CDCP1: variants seen among roughly 807,000 people sequenced by gnomAD.
CDCP1 encodes CUB domain-containing protein 1.
CDCP1 carries 29 observed loss-of-function variants against 60.2 expected under a neutral mutation model. The ratio of observed to expected loss-of-function variants is 0.48; its 90% CI spans 0.36 to 0.66. The LOEUF is 0.66. CDCP1 is among the 30% of genes least tolerant of loss of function. CDCP1 has a pLI of 0.00. For synonymous variants in CDCP1, 387 were observed against 431.1 expected, an observed-to-expected ratio of 0.90 and a Z score of 1.27; for missense variants, 876 against 1,074.3, an observed-to-expected ratio of 0.82 and a Z score of 2.58.
chr3:45,095,024 C>A (rs1698372893), intron 5 of CDCP1, among the ~76,000 whole-genome samples: 1 of 151,826 alleles, frequency 6.6e-6, no homozygotes, highest in South Asian at 2.1e-4. Flanking sequence ...ACCTCCGCCT[C>A]CCAGGTTCAG....
In CDCP1 at chr3:45,093,526, C is replaced by T. The variant is rs1698339676; in HGVS notation, c.1378G>A (p.Val460Met). The T allele has an allele frequency of 3.1e-6, 5 of 1,614,160 alleles. No homozygotes were observed. The highest frequency in any genetic ancestry group is 1.3e-5 in the African/African-American group (1 of 75,074). ...LLVPKDRLSL[V>M]LVPAQKLQQH... is the part of the protein sequence containing the mutation. ...TGCAGCTTCTGGGCTGGCACCAGCA[C>T]CAGGCTGAGCCTGTCCTTGGGCACC... The change falls in exon 6 of 9, where the codon GTG becomes ATG. Residue 460 changes from valine (V) to methionine (M), a missense_variant. Physicochemically the swap from Val to Met is conservative, Grantham distance 21 (BLOSUM62 1). Around this residue, in one of 2 missense-constraint regions of CDCP1, gnomAD observed 726 missense variants for 935.7 expected, o/e 0.78. Coordinates refer to ENST00000296129, the MANE Select transcript of CDCP1 (RefSeq NM_022842.5).
upstream of CDCP1, chr3:45,146,445 A>T (rs1699394637): frequency 1.8e-6 from 1 of 541,340 alleles, no homozygotes. Context: ...TCGCGAGCTG[A>T]CCCGGTGCGT....
intron 4 of CDCP1, among the ~76,000 whole-genome samples, chr3:45,102,200 T>C (rs1025571537): frequency 3.3e-5 from 5 of 151,876 alleles, no homozygotes; most frequent in African/African-American, 1.2e-4. Context: ...GCCTCCTGAG[T>C]AGCTGGGATT....
At chr3:45,126,081 G>A (rs1287189110) in intron 1 of CDCP1, among the ~76,000 whole-genome samples, 5 of 146,532 alleles carry the variant, frequency 3.4e-5, no homozygotes, top group African/African-American at 1.2e-4. Flanking sequence ...CAGAAGAGGA[G>A]CAACTGCTGC....
intron 1 of CDCP1, among the ~76,000 whole-genome samples, chr3:45,123,130 T>C (rs1698915843): frequency 6.6e-6 from 1 of 152,218 alleles, no homozygotes; most frequent in East Asian, 1.9e-4. Flanking sequence ...TTACTAATGC[T>C]ACTTCTGTTG....
At chr3:45,122,562 C>T (rs1408690986) in intron 1 of CDCP1, among the ~76,000 whole-genome samples, 1 of 152,056 alleles carries the variant, frequency 6.6e-6, no homozygotes, top group Admixed American at 6.5e-5. Flanking sequence ...TCAAGTGATT[C>T]TCGTGCCTCA....
chr3:45,124,720 A>G (rs1034542809), intron 1 of CDCP1, among the ~76,000 whole-genome samples: 5 of 152,176 alleles, frequency 3.3e-5, no homozygotes, highest in Admixed American at 6.5e-5. Flanking sequence ...TGAGCATCAG[A>G]TAAGTCGTGA....
chr3:45,110,953 C>G, intron 3 of CDCP1, 112 bp from the exon 4 acceptor site: 1 of 1,201,046 alleles, frequency 8.3e-7, no homozygotes, highest in East Asian at 2.3e-5. Context: ...TTCTCAGATC[C>G]TGAGCAGTGG....
intron 4 of CDCP1, among the ~76,000 whole-genome samples, chr3:45,097,665 C>T (rs6800353): frequency 0.03 from 4,641 of 152,286 alleles, 247 homozygotes; most frequent in African/African-American, 0.11. Flanking sequence ...GCCTGCTAAA[C>T]TTCCTTCTTC....
At chr3:45,137,247 C>T (rs1251672731) in intron 1 of CDCP1, among the ~76,000 whole-genome samples, 1 of 152,182 alleles carries the variant, frequency 6.6e-6, no homozygotes. Flanking sequence ...GCCATATGTA[C>T]TGTTCTGATC....
At chr3:45,138,430 C>T (rs1699226108) in intron 1 of CDCP1, among the ~76,000 whole-genome samples, 1 of 152,238 alleles carries the variant, frequency 6.6e-6, no homozygotes, top group African/African-American at 2.4e-5. Flanking sequence ...AATTTTGGCC[C>T]AGGTTGTCTG....
At chr3:45,095,592 G>A (rs1404773377) in intron 4 of CDCP1, 24 bp from the exon 5 acceptor site, 2 of 1,604,818 alleles carry the variant, frequency 1.2e-6, no homozygotes, top group East Asian at 4.5e-5. Flanking sequence ...CAGAAAACAG[G>A]CATGAAGCAT....
rs777482228 is a variant in CDCP1, at chr3:45,091,508, G to A, written c.1658C>T (p.Thr553Ile). 6.2e-7 allele frequency: 1 copy of A among 1,606,358 alleles called. No individual in the cohort carries two copies. The highest frequency in any genetic ancestry group is 1.1e-5 in the South Asian group (1 of 90,114). ...EEGVFTVTPD[T>I]KSKVYLRTPN... ...GGTCCTCAGGTAGACCTTGCTTTTT[G>A]TGTCAGGGGTCACCGTGAAAACGCC... The change falls in exon 7 of 9, where the codon ACA becomes ATA. Residue 553 changes from threonine to isoleucine, a missense_variant. Thr to Ile is a moderately conservative substitution (Grantham distance 89). Around this residue, in one of 2 missense-constraint regions of CDCP1, gnomAD observed 726 missense variants for 935.7 expected, o/e 0.78. Transcript: ENST00000296129. This position sits in a 1 kb window ranked among gnomAD's most constrained non-coding sequence, Gnocchi z 4.8.
chr3:45,126,894 T>C (rs1322908645), intron 1 of CDCP1, among the ~76,000 whole-genome samples: 1 of 152,198 alleles, frequency 6.6e-6, no homozygotes, highest in Non-Finnish European at 1.5e-5. Context: ...GGTTAAGTAA[T>C]GTACCCAGGC....
chr3:45,106,162 T>C (rs1698561671), intron 4 of CDCP1, among the ~76,000 whole-genome samples: 1 of 152,248 alleles, frequency 6.6e-6, no homozygotes, highest in Non-Finnish European at 1.5e-5. Flanking sequence ...TAGATATTTT[T>C]ATCTTGTTTT....
intron 8 of CDCP1, among the ~76,000 whole-genome samples, chr3:45,086,605 T>C (rs6441886): frequency 0.88 from 133,991 of 152,272 alleles, 61,179 homozygotes; most frequent in South Asian, 1. Context: ...TAGTTTTCAG[T>C]ATGAGCTGGG....
chr3:45,102,650 A>G (rs1171619375), intron 4 of CDCP1, among the ~76,000 whole-genome samples: 1 of 150,800 alleles, frequency 6.6e-6, no homozygotes, highest in Non-Finnish European at 1.5e-5. Flanking sequence ...ACTAAAAAAA[A>G]AAAAAAAAGA....
At chr3:45,086,360 T>C (rs768223865) in intron 8 of CDCP1, among the ~76,000 whole-genome samples, 1 of 152,240 alleles carries the variant, frequency 6.6e-6, no homozygotes, top group Middle Eastern at 3.2e-3. Context: ...TTGATAGATA[T>C]GCGGTATCCA....
At chr3:45,117,220 T>C (rs1374222394) in intron 2 of CDCP1, among the ~76,000 whole-genome samples, 1 of 152,184 alleles carries the variant, frequency 6.6e-6, no homozygotes, top group African/African-American at 2.4e-5. Flanking sequence ...CCCCTTAAAA[T>C]GATTGAGAAA....
Sources: allele counts gnomAD v4.1 joint callset (sites outside exome capture counted in the v4.1 genomes callset), GRCh38; gene constraint gnomAD v4.1.1; regional missense constraint gnomAD v4.1.1; non-coding constraint Gnocchi (gnomAD v3.1); transcripts MANE v1.5; gene names NCBI Gene and HGNC (gene_info 2026-07-23, HGNC 2026-07-21).